The following OCA2 variants were observed in gnomAD, a reference collection of about 807,000 sequenced individuals.
OCA2 encodes the protein OCA2 melanosomal transmembrane protein.
A neutral mutation model predicts 100.2 loss-of-function variants in OCA2; 77 were observed. That is an observed-to-expected ratio of 0.77 (90% CI 0.64 to 0.93). OCA2 has a LOEUF of 0.93. Among genes scored for constraint, OCA2 ranks in the 40% least tolerant of loss-of-function variants. The probability of loss-of-function intolerance (pLI) is 0.00; values close to 1 mark genes in which losing one functional copy is unlikely to be tolerated. For missense variants in OCA2, 1,062 were observed against 1,089.1 expected, an observed-to-expected ratio of 0.98 and a Z score of 0.35; for synonymous variants, 432 against 439.2, an observed-to-expected ratio of 0.98 and a Z score of 0.21.
At chr15:27,964,319 C>G (rs2040495567) in intron 15 of OCA2, among the ~76,000 whole-genome samples, 1 of 152,192 alleles carries the variant, frequency 6.6e-6, no homozygotes, top group African/African-American at 2.4e-5. Context: ...AAATGCTAAA[C>G]AAAGTATTAG....
rs923140914 is a variant in OCA2, at chr15:27,904,764, ACCT to A, written c.2079+21360_2079+21362del. ...ACTCCTCATATTCCCAGCACCCCCC[ACCT>A]CCTCAAGCTTGCCTGGGTAGGCCTC... On this transcript the variant is annotated intron_variant, in intron 19 of 23. Transcript: ENST00000354638. Among the ~76,000 whole-genome samples, 50 of 151,988 alleles carry A rather than the reference ACCT, an allele frequency of 3.3e-4. 1 individual carries two copies. Among genetic ancestry groups the A allele is most frequent in the Admixed American group, 2.6e-3 (40 of 15,282 alleles).
chr15:27,868,461 G>A (rs981986328), intron 21 of OCA2, among the ~76,000 whole-genome samples: 1 of 152,150 alleles, frequency 6.6e-6, no homozygotes, highest in African/African-American at 2.4e-5. Context: ...TGAGATAAGC[G>A]AGTTACAGAA....
At chr15:28,078,986 C>T (rs898551912) in intron 2 of OCA2, among the ~76,000 whole-genome samples, 11 of 152,200 alleles carry the variant, frequency 7.2e-5, no homozygotes, top group Non-Finnish European at 7.3e-5. Context: ...AAAGGGGACA[C>T]GGCAGGCTAC....
Position 27,871,139 on chromosome 15 carries a change from A to G in OCA2, c.2244+15T>C. ...GGCTAAAGTTGAGCCGTCGACATGG[A>G]CATGTGCAACTCACCATGGTAGCAG... On this transcript the variant is annotated intron_variant, in intron 21 of 23. Transcript: ENST00000354638. 6.9e-6 allele frequency: 11 copies of G among 1,595,352 alleles called. No homozygotes were observed. The highest frequency in any genetic ancestry group is 9.5e-6 in the Non-Finnish European group (11 of 1,162,830).
At chr15:28,016,550 G>A (rs2042399451) in intron 7 of OCA2, among the ~76,000 whole-genome samples, 1 of 152,336 alleles carries the variant, frequency 6.6e-6, no homozygotes, top group Non-Finnish European at 1.5e-5. Context: ...AGGCCAAGGT[G>A]GGAGGATCAC....
At chr15:27,872,033 C>T (rs929886818) in intron 19 of OCA2, 111 bp from the exon 20 acceptor site, 1 of 777,064 alleles carries the variant, frequency 1.3e-6, no homozygotes, top group Admixed American at 1.9e-5. Flanking sequence ...GGCCCAGATT[C>T]CTGCTTCTTA....
At position 28,032,214 on chromosome 15, in the gene OCA2, G is replaced by A. The variant is rs2042926301; in HGVS notation, c.228-51C>T. The A allele has an allele frequency of 4.5e-6, 6 of 1,330,260 alleles. No homozygotes were observed. The East Asian group carries it at 1.4e-4, about 31-fold the overall frequency. 82.4% of individuals were successfully genotyped at this position (1,330,260 alleles called of 1,614,324 possible). On this transcript the variant is annotated intron_variant, in intron 2 of 23. Transcript: ENST00000354638. Reference sequence around the variant, plus strand: ...AATCACCAACACAGAAATAATGTATGTGTTCCCAGCACTCAGGTGCTAGAT... The same window carrying A: ...AATCACCAACACAGAAATAATGTATATGTTCCCAGCACTCAGGTGCTAGAT...
intron 18 of OCA2, among the ~76,000 whole-genome samples, chr15:27,939,592 AG>A (rs1286780978): frequency 1.3e-5 from 2 of 152,252 alleles, no homozygotes; most frequent in African/African-American, 4.8e-5. Context: ...CTAAGCATAA[AG>A]AAATAATGCT....
chr15:27,843,067 A>G (rs2035401669), intron 23 of OCA2, among the ~76,000 whole-genome samples: 1 of 152,116 alleles, frequency 6.6e-6, no homozygotes, highest in South Asian at 2.1e-4. Flanking sequence ...AAAAATACTA[A>G]TGCCAGGCCT....
chr15:27,887,577 T>TCATCAATAGCACATGGCTCATGAA, intron 19 of OCA2, among the ~76,000 whole-genome samples: 1 of 148,590 alleles, frequency 6.7e-6, no homozygotes, highest in Non-Finnish European at 1.5e-5. Context: ...AGCCATGTGC[T>TCATCAATAGCACATGGCTCATGAA]ATGGTATTCT....
rs554573633 is a variant in OCA2 at position 27,848,507 on chromosome 15, G to A, written c.2338+2875C>T. On this transcript the variant is annotated intron_variant, in intron 22 of 23. Coordinates refer to ENST00000354638, the MANE Select transcript of OCA2 (RefSeq NM_000275.3). ...AGCCTCCCTCCCAGTTTCCATTGAC[G>A]GAGAAGCACAGGGGGGTCGGGCCTG... Among the ~76,000 whole-genome samples the A allele has an allele frequency of 1.3e-3, 195 of 152,286 alleles. 1 individual carries two copies. Among genetic ancestry groups the A allele is most frequent in the Non-Finnish European group, 2.3e-3 (155 of 68,024 alleles).
At chr15:27,884,034 G>C (rs1335069814) in intron 19 of OCA2, among the ~76,000 whole-genome samples, 2 of 152,172 alleles carry the variant, frequency 1.3e-5, no homozygotes, top group Non-Finnish European at 2.9e-5. Context: ...AGGTTAGAAA[G>C]ACTATCAAAA....
intron 7 of OCA2, 53 bp from the exon 8 acceptor site, chr15:28,016,239 C>G: frequency 7.2e-7 from 1 of 1,381,810 alleles, no homozygotes; most frequent in Non-Finnish European, 1.0e-6. Context: ...GAGACACCAT[C>G]TGGGATCTGG....
rs2041980665 is a variant in OCA2 at position 28,003,152 on chromosome 15, T to C, written c.1044+11624A>G. Among the ~76,000 whole-genome samples, 8 of 152,356 alleles carry C rather than the reference T, an allele frequency of 5.3e-5. No homozygotes were observed. In the South Asian group the frequency reaches 1.7e-3, roughly 32 times the overall value. ...CCTGGCCTGCAAGGAGAGCTGAATT[T>C]TCAGTACTCAGTTCCTAAGGTACAA... is the stretch of plus-strand genomic sequence containing the variant. On this transcript the variant is annotated intron_variant, in intron 9 of 23. Coordinates refer to ENST00000354638, the MANE Select transcript of OCA2 (RefSeq NM_000275.3).
chr15:27,756,394 G>A (rs528238408), intron 23 of OCA2, among the ~76,000 whole-genome samples: 81 of 152,354 alleles, frequency 5.3e-4, no homozygotes, highest in African/African-American at 1.8e-3. Flanking sequence ...CCATGAGCGA[G>A]ACAGCTCCCG....
intron 23 of OCA2, among the ~76,000 whole-genome samples, chr15:27,802,037 T>C (rs886386827): frequency 1.3e-5 from 2 of 152,172 alleles, no homozygotes; most frequent in African/African-American, 4.8e-5. Flanking sequence ...AAGAAATCTC[T>C]ATTTAGCTAT....
At chr15:27,858,388 G>GA (rs200488887) in intron 21 of OCA2, among the ~76,000 whole-genome samples, 2,250 of 49,320 alleles carry the variant, frequency 0.046, 28 homozygotes, top group Middle Eastern at 0.094. Context: ...AAGAAAGAAA[G>GA]AAAAAAAAAA....
intron 23 of OCA2, among the ~76,000 whole-genome samples, chr15:27,787,050 T>A (rs1314257809): frequency 1.3e-5 from 2 of 152,006 alleles, no homozygotes; most frequent in Admixed American, 6.6e-5. Flanking sequence ...TATGTGGGAG[T>A]TTTTTGCCCT....
chr15:27,851,892 C>T (rs2035766528), intron 21 of OCA2, among the ~76,000 whole-genome samples: 1 of 152,106 alleles, frequency 6.6e-6, no homozygotes, highest in African/African-American at 2.4e-5. Context: ...ATGAGGAGAC[C>T]AGGATGCAGA....
Sources: allele counts gnomAD v4.1 joint callset (sites outside exome capture counted in the v4.1 genomes callset), GRCh38; gene constraint gnomAD v4.1.1; transcripts MANE v1.5; gene names NCBI Gene and HGNC (gene_info 2026-07-23, HGNC 2026-07-21).